Variants in CSMD1 observed in about 807,000 individuals in gnomAD.
CSMD1 encodes the protein CUB and sushi domain-containing protein 1.
In CSMD1, 213 loss-of-function variants were observed where a neutral mutation model predicts 417.5. The observed-to-expected ratio is 0.51, with a 90% confidence interval of 0.46 to 0.57. The LOEUF (loss-of-function observed/expected upper bound fraction) is 0.57, where lower values mean the gene tolerates loss of function less well. Ranked by LOEUF, CSMD1 falls within the 20% of genes least tolerant of loss-of-function variation. The pLI, the probability that CSMD1 is intolerant of heterozygous loss-of-function variation, is 0.00. For missense variants in CSMD1, 6,923 were observed against 4,529.7 expected (o/e 1.53, Z -15.17); for synonymous variants, 2,862 against 1,736.8 (o/e 1.65, Z -16.11).
At chr8:4,271,678 A>T (rs1424296237) in intron 3 of CSMD1, among the ~76,000 whole-genome samples, 3 of 152,200 alleles carry the variant, frequency 2.0e-5, no homozygotes, top group African/African-American at 7.2e-5. Context: ...ACTTTAAGGT[A>T]TACATCACTA....
intron 1 of CSMD1, among the ~76,000 whole-genome samples, chr8:4,734,943 G>A (rs933668267): frequency 1.3e-5 from 2 of 152,240 alleles, no homozygotes; most frequent in Non-Finnish European, 2.9e-5. Context: ...CAAACTACTC[G>A]TTATGGCCTG....
chr8:3,110,402 T>C (rs1816433186), intron 42 of CSMD1, 67 bp from the exon 43 acceptor site: 1 of 1,353,770 alleles, frequency 7.4e-7, no homozygotes, highest in Non-Finnish European at 9.8e-7. Context: ...AGCTAAATAT[T>C]TGACTCCAAA....
At chr8:4,028,442 T>C (rs1454660229) in intron 4 of CSMD1, among the ~76,000 whole-genome samples, 1 of 152,062 alleles carries the variant, frequency 6.6e-6, no homozygotes, top group Non-Finnish European at 1.5e-5. Flanking sequence ...ATCGCCGTCA[T>C]ATGCCATTAT....
At chr8:4,950,803 C>T (rs926441218) in intron 1 of CSMD1, among the ~76,000 whole-genome samples, 16 of 152,046 alleles carry the variant, frequency 1.1e-4, no homozygotes, top group African/African-American at 3.6e-4. Flanking sequence ...AGCATCACCA[C>T]TCAACCACTC....
rs1796522216 is a variant in CSMD1, at chr8:4,409,421, T to A, written c.415+10532A>T. ...CAGTGATTTTCACCCCATATTCTTG[T>A]CATTTTAGAATAAAAACAAATCAAC... On this transcript the variant is annotated intron_variant, in intron 3 of 69. Transcript: ENST00000635120. Among the ~76,000 whole-genome samples, 5 of 152,174 alleles carry A rather than the reference T, an allele frequency of 3.3e-5. No homozygotes were observed. In the South Asian group the frequency reaches 8.3e-4, roughly 25 times the overall value.
chr8:3,595,132 T>C (rs1311608986), intron 8 of CSMD1, among the ~76,000 whole-genome samples: 1 of 152,184 alleles, frequency 6.6e-6, no homozygotes, highest in African/African-American at 2.4e-5. Context: ...ACTACTCAGA[T>C]GGGAACTTGG....
At chr8:3,199,255 T>C (rs572321953) in intron 33 of CSMD1, among the ~76,000 whole-genome samples, 154 of 152,264 alleles carry the variant, frequency 1.0e-3, no homozygotes, top group African/African-American at 3.6e-3. Context: ...GATGCATGCG[T>C]GATATTTTGT....
At chr8:3,621,750 TTTATTATTATTATTATTTTA>T (rs1344219876) in intron 7 of CSMD1, among the ~76,000 whole-genome samples, 1 of 151,080 alleles carries the variant, frequency 6.6e-6, no homozygotes, top group East Asian at 1.9e-4. Flanking sequence ...CAGCTAATGT[TTTATTATTATTATTATTTTA>T]TTATTATTAT....
chr8:3,551,188 T>G (rs1196715065), intron 10 of CSMD1, among the ~76,000 whole-genome samples: 1 of 152,208 alleles, frequency 6.6e-6, no homozygotes, highest in African/African-American at 2.4e-5. Context: ...GTTCAAAGAT[T>G]CAGTGAGATA....
chr8:4,782,888 T>C (rs953434270), intron 1 of CSMD1, among the ~76,000 whole-genome samples: 1 of 151,996 alleles, frequency 6.6e-6, no homozygotes. Context: ...GATGTACATG[T>C]TTTTTGGAGG....
At chr8:3,874,439 C>G (rs1057248191) in intron 5 of CSMD1, among the ~76,000 whole-genome samples, 1 of 152,162 alleles carries the variant, frequency 6.6e-6, no homozygotes, top group Non-Finnish European at 1.5e-5. Flanking sequence ...ACTAAGTAAT[C>G]AGAAACCAGA....
At chr8:4,427,169 G>C (rs1259738361) in intron 2 of CSMD1, among the ~76,000 whole-genome samples, 3 of 152,084 alleles carry the variant, frequency 2.0e-5, no homozygotes, top group African/African-American at 4.8e-5. Context: ...CTACACAATG[G>C]GTAAGTCCAG....
intron 3 of CSMD1, among the ~76,000 whole-genome samples, chr8:4,295,073 C>T (rs1351973974): frequency 6.8e-6 from 1 of 146,086 alleles, no homozygotes; most frequent in Non-Finnish European, 1.5e-5. Flanking sequence ...TAAGATTACA[C>T]ACATATAATC....
chr8:4,892,180 T>C (rs935767494), intron 1 of CSMD1, among the ~76,000 whole-genome samples: 1 of 152,160 alleles, frequency 6.6e-6, no homozygotes, highest in African/African-American at 2.4e-5. Context: ...TAAGGCATAA[T>C]TGAAACAACT....
intron 10 of CSMD1, among the ~76,000 whole-genome samples, chr8:3,546,395 G>C (rs943892768): frequency 2.0e-5 from 3 of 151,988 alleles, no homozygotes; most frequent in Admixed American, 2.0e-4. Context: ...AATTAGCTGG[G>C]TTTGGTGGCA....
intron 1 of CSMD1, among the ~76,000 whole-genome samples, chr8:4,734,515 T>C (rs1326714350): frequency 6.6e-6 from 1 of 152,180 alleles, no homozygotes; most frequent in Non-Finnish European, 1.5e-5. Context: ...TACAAAATAA[T>C]AACTGTTGAA....
At chr8:4,577,734 G>T (rs1799204509) in intron 2 of CSMD1, among the ~76,000 whole-genome samples, 1 of 152,092 alleles carries the variant, frequency 6.6e-6, no homozygotes, top group Non-Finnish European at 1.5e-5. Flanking sequence ...TGTTTTCATG[G>T]GTATGCTGTT....
chr8:3,669,768 A>G (rs1490669902), intron 7 of CSMD1, among the ~76,000 whole-genome samples: 1 of 152,136 alleles, frequency 6.6e-6, no homozygotes, highest in African/African-American at 2.4e-5. Flanking sequence ...GAGGCTACAC[A>G]CACTCATCAG....
intron 1 of CSMD1, among the ~76,000 whole-genome samples, chr8:4,722,203 ATATAT>A (rs1309140310): frequency 1.3e-5 from 2 of 152,154 alleles, no homozygotes; most frequent in African/African-American, 4.8e-5. Flanking sequence ...AGGTGATTAA[ATATAT>A]TAAATATATT....
Sources: gnomAD v4.1 joint callset for allele counts (sites outside exome capture counted in the v4.1 genomes callset) on GRCh38, gnomAD v4.1.1 for gene constraint, MANE v1.5 for transcripts, NCBI Gene and HGNC (gene_info 2026-07-23, HGNC 2026-07-21) for gene names.